RANBP2: variants seen among roughly 807,000 people sequenced by gnomAD.
The protein encoded by RANBP2 is E3 SUMO-protein ligase RanBP2.
A neutral mutation model predicts 303.6 loss-of-function variants in RANBP2; 57 were observed. The ratio of observed to expected loss-of-function variants is 0.19; its 90% confidence interval spans 0.15 to 0.23. The LOEUF (loss-of-function observed/expected upper bound fraction) is 0.23, where lower values mean the gene tolerates loss of function less well. RANBP2 is among the 10% of genes least tolerant of loss of function. RANBP2 has a pLI of 1.00. For synonymous variants in RANBP2, 1,167 were observed against 1,301.5 expected (o/e 0.90, Z 2.23); for missense variants, 3,138 against 3,780.8 (o/e 0.83, Z 4.46).
chr2:108,879,434 C>A, the RANBP2 span, among the ~76,000 whole-genome samples: 2 of 152,096 alleles, frequency 1.3e-5, no homozygotes, highest in African/African-American at 4.8e-5. Flanking sequence ...ATGCAGTTAG[C>A]ATGAATCTGG....
At chr2:109,651,995 C>A in the RANBP2 span, among the ~76,000 whole-genome samples, 8 of 152,218 alleles carry the variant, frequency 5.3e-5, no homozygotes, top group Non-Finnish European at 1.0e-4. Context: ...CTGCTGACAG[C>A]CCAACCTGCA....
chr2:109,580,395 T>TA, the RANBP2 span, among the ~76,000 whole-genome samples: 505 of 148,532 alleles, frequency 3.4e-3, 3 homozygotes, highest in Middle Eastern at 0.014. Flanking sequence ...AATGATTCTT[T>TA]AAAAAAAGAA....
the RANBP2 span, among the ~76,000 whole-genome samples, chr2:109,580,319 T>A: frequency 7.1e-6 from 1 of 141,176 alleles, no homozygotes. Context: ...AAAGATTAAA[T>A]GAAAGAAGTC....
At chr2:109,014,352 C>T in the RANBP2 span, among the ~76,000 whole-genome samples, 17 of 152,184 alleles carry the variant, frequency 1.1e-4, no homozygotes, top group Non-Finnish European at 2.5e-4. Flanking sequence ...TGTCCTGGGC[C>T]TGTTCTCTTG....
At chr2:108,970,506 T>C in the RANBP2 span, among the ~76,000 whole-genome samples, 1 of 152,030 alleles carries the variant, frequency 6.6e-6, no homozygotes, top group South Asian at 2.1e-4. Flanking sequence ...GGAGATGGTC[T>C]GGGAGCTGGG....
At chr2:109,538,825 G>A in the RANBP2 span, among the ~76,000 whole-genome samples, 2 of 152,128 alleles carry the variant, frequency 1.3e-5, no homozygotes, top group Non-Finnish European at 2.9e-5. Context: ...GGCCTGCATT[G>A]TCTTTGTTAT....
At chr2:109,406,325 A>C in the RANBP2 span, among the ~76,000 whole-genome samples, 1 of 152,164 alleles carries the variant, frequency 6.6e-6, no homozygotes, top group East Asian at 1.9e-4. Context: ...CATTTTAGAA[A>C]AATTTCCTCA....
the RANBP2 span, among the ~76,000 whole-genome samples, chr2:109,169,938 T>G: frequency 6.6e-6 from 1 of 152,150 alleles, no homozygotes; most frequent in Non-Finnish European, 1.5e-5. Context: ...GTATATGAGT[T>G]TTAAATCTTT....
the RANBP2 span, among the ~76,000 whole-genome samples, chr2:109,280,080 A>G: frequency 6.6e-6 from 1 of 152,160 alleles, no homozygotes. Context: ...TTTCGATCCC[A>G]GAGACAACAG....
the RANBP2 span, among the ~76,000 whole-genome samples, chr2:109,291,614 G>C: frequency 3.9e-5 from 6 of 152,230 alleles, no homozygotes; most frequent in Non-Finnish European, 8.8e-5. Flanking sequence ...AGCTCCTCGT[G>C]GTGGGGAAAT....
chr2:109,353,714 A>AGT, the RANBP2 span, among the ~76,000 whole-genome samples: 19,780 of 152,156 alleles, frequency 0.13, 1,429 homozygotes, highest in Middle Eastern at 0.24. Flanking sequence ...GATGCTGTGG[A>AGT]GTGCACTGCC....
At chr2:109,743,940 A>G in the RANBP2 span, among the ~76,000 whole-genome samples, 86,209 of 91,340 alleles carry the variant, frequency 0.94, 41,766 homozygotes, top group Middle Eastern at 1. Flanking sequence ...CCATGCTGTT[A>G]CAGAGCATAG....
At chr2:109,364,231 G>A in the RANBP2 span, among the ~76,000 whole-genome samples, 1,138 of 151,106 alleles carry the variant, frequency 7.5e-3, 17 homozygotes, top group African/African-American at 0.026. Context: ...ATATCCTCAA[G>A]CTCAGAGAGT....
the RANBP2 span, among the ~76,000 whole-genome samples, chr2:109,353,109 C>T: frequency 6.6e-6 from 1 of 152,238 alleles, no homozygotes; most frequent in Non-Finnish European, 1.5e-5. Context: ...CTCAGTGGCT[C>T]TCCACCTGTC....
chr2:109,693,837 A>G, the RANBP2 span, among the ~76,000 whole-genome samples: 3 of 152,210 alleles, frequency 2.0e-5, no homozygotes, highest in Non-Finnish European at 1.5e-5. Flanking sequence ...CCTTGGGCAC[A>G]TGTCTTTAAG....
the RANBP2 span, among the ~76,000 whole-genome samples, chr2:109,635,653 C>T: frequency 6.6e-6 from 1 of 152,190 alleles, no homozygotes; most frequent in Non-Finnish European, 1.5e-5. Context: ...CCTACCTCGT[C>T]TCAGATGGTC....
the RANBP2 span, among the ~76,000 whole-genome samples, chr2:109,525,079 G>T: frequency 7.9e-3 from 938 of 119,272 alleles, 12 homozygotes; most frequent in South Asian, 0.074. Flanking sequence ...CCTTACCGTT[G>T]TTTTTTTTTT....
At chr2:109,717,271 C>CAAAA in the RANBP2 span, among the ~76,000 whole-genome samples, 23 of 80,846 alleles carry the variant, frequency 2.8e-4, 2 homozygotes, top group Non-Finnish European at 3.4e-4. Context: ...TAAAAACAAA[C>CAAAA]CAAAAAAAAA....
chr2:109,648,901 C>G, the RANBP2 span, among the ~76,000 whole-genome samples: 1 of 152,118 alleles, frequency 6.6e-6, no homozygotes, highest in Non-Finnish European at 1.5e-5. Flanking sequence ...ATCCACCCAT[C>G]TTGGCCTCCC....
Sources: gnomAD v4.1 joint callset for allele counts (sites outside exome capture counted in the v4.1 genomes callset) on GRCh38, gnomAD v4.1.1 for gene constraint, MANE v1.5 for transcripts, NCBI Gene and HGNC (gene_info 2026-07-23, HGNC 2026-07-21) for gene names.